UGT2B7: variants seen among roughly 807,000 people sequenced by gnomAD.
UGT2B7 encodes UDP glucuronosyltransferase family 2 member B7.
A neutral mutation model predicts 51.9 loss-of-function variants in UGT2B7; 51 were observed. That is an observed-to-expected ratio of 0.98 (90% CI 0.78 to 1.24). UGT2B7 has a LOEUF of 1.24. Ranked by LOEUF, UGT2B7 falls within the 50% of genes most tolerant of loss-of-function variation. The probability of loss-of-function intolerance (pLI) is 0.00; values close to 1 mark genes in which losing one functional copy is unlikely to be tolerated. For synonymous variants in UGT2B7, 225 were observed against 211.6 expected (o/e 1.06, Z -0.55); for missense variants, 727 against 628.4 (o/e 1.16, Z -1.68).
At chr4:69,105,554 C>G (rs1719568891) in intron 3 of UGT2B7, among the ~76,000 whole-genome samples, 1 of 152,158 alleles carries the variant, frequency 6.6e-6, no homozygotes, top group Non-Finnish European at 1.5e-5. Context: ...AGCACGTTGT[C>G]TCAGTGTTAA....
At position 69,097,082 on chromosome 4, in the gene UGT2B7, A is replaced by T. The variant is rs529993159; in HGVS notation, c.562A>T (p.Ile188Phe). The T allele has an allele frequency of 1.1e-4, 179 of 1,613,518 alleles. No individual in the cohort carries two copies. The highest frequency in any genetic ancestry group is 1.5e-4 in the Non-Finnish European group (175 of 1,179,720). ...TTTTGAAAAGCATAGTGGAGGATTT[A>T]TTTTCCCTCCTTCCTACGTACCTGT... ...YTFEKHSGGFIFPPSYVPVVM... is the reference protein window; with the variant it reads ...YTFEKHSGGFFFPPSYVPVVM... Residue 188 changes from isoleucine to phenylalanine, a missense_variant, in exon 1 of 6, where the codon ATT (isoleucine) becomes TTT (phenylalanine). By Grantham distance (21) the Ile-to-Phe change is conservative (BLOSUM62 0). Coordinates refer to ENST00000305231, the MANE Select transcript of UGT2B7 (RefSeq NM_001074.4).
intron 5 of UGT2B7, among the ~76,000 whole-genome samples, chr4:69,111,532 A>G (rs1407833663): frequency 3.3e-5 from 5 of 152,166 alleles, no homozygotes; most frequent in Non-Finnish European, 7.3e-5. Flanking sequence ...CATGATGTTG[A>G]GCATGTTCTC....
At chr4:69,061,425 A>C (rs577543259) in intron 1 of UGT2B7, among the ~76,000 whole-genome samples, 1 of 152,226 alleles carries the variant, frequency 6.6e-6, no homozygotes, top group African/African-American at 2.4e-5. Context: ...AGGCAAAGCA[A>C]GCTGCAATGG....
intron 1 of UGT2B7, among the ~76,000 whole-genome samples, chr4:69,073,924 T>C (rs1412397278): frequency 1.3e-5 from 2 of 152,168 alleles, no homozygotes; most frequent in South Asian, 2.1e-4. Flanking sequence ...TCATATATAA[T>C]TAGGGAGCCC....
intron 1 of UGT2B7, among the ~76,000 whole-genome samples, chr4:69,066,749 A>G (rs1718491001): frequency 6.6e-6 from 1 of 152,088 alleles, no homozygotes; most frequent in Non-Finnish European, 1.5e-5. Flanking sequence ...ACCTTTCACA[A>G]AATTTTTTTT....
intron 3 of UGT2B7, among the ~76,000 whole-genome samples, chr4:69,105,548 C>T (rs888925427): frequency 1.3e-5 from 2 of 152,118 alleles, no homozygotes; most frequent in South Asian, 2.1e-4. Flanking sequence ...CTTTGTAGCA[C>T]GTTGTCTCAG....
chr4:69,102,046 C>T (rs919993849), intron 2 of UGT2B7, among the ~76,000 whole-genome samples: 1 of 152,138 alleles, frequency 6.6e-6, no homozygotes, highest in Admixed American at 6.6e-5. Context: ...CCTAAAGAAT[C>T]ACCTGAAAAA....
At position 69,078,641 on chromosome 4, in the gene UGT2B7, G is replaced by T. The variant is rs149278103; in HGVS notation, c.-158-10831G>T. On this transcript the variant is annotated intron_variant, in intron 1 of 5. Transcript: ENST00000502942. ...ATTTTGTTAAATGTTCTGGCCATGGGTCTTCCTCAGGTAGGAGCCATAGTT... is the reference window on the plus strand; with the variant it reads ...ATTTTGTTAAATGTTCTGGCCATGGTTCTTCCTCAGGTAGGAGCCATAGTT... Among the ~76,000 whole-genome samples, 279 of 152,192 alleles carry T rather than the reference G, an allele frequency of 1.8e-3. 2 individuals carry two copies. The highest frequency in any genetic ancestry group is 0.015 in the East Asian group (75 of 5,162).
intron 5 of UGT2B7, among the ~76,000 whole-genome samples, 174 bp downstream of exon 5, chr4:69,108,496 C>G (rs1719679753): frequency 6.6e-6 from 1 of 151,596 alleles, no homozygotes; most frequent in Admixed American, 6.6e-5. Flanking sequence ...GAATTTGAAA[C>G]ACATACATCT....
At chr4:69,061,026 T>A (rs1239220647) in intron 1 of UGT2B7, among the ~76,000 whole-genome samples, 1 of 152,108 alleles carries the variant, frequency 6.6e-6, no homozygotes, top group Non-Finnish European at 1.5e-5. Flanking sequence ...AATATTTTAC[T>A]GATGGGAGCA....
chr4:69,112,118 C>T (rs1719789920), intron 5 of UGT2B7, among the ~76,000 whole-genome samples: 1 of 152,198 alleles, frequency 6.6e-6, no homozygotes, highest in South Asian at 2.1e-4. Context: ...CGACCCCTGA[C>T]CTAACCAGTT....
At chr4:69,064,293 A>G (rs1048303729) in intron 1 of UGT2B7, among the ~76,000 whole-genome samples, 1 of 152,194 alleles carries the variant, frequency 6.6e-6, no homozygotes, top group Non-Finnish European at 1.5e-5. Flanking sequence ...GACCCTCCCA[A>G]AACTCCTTCA....
At chr4:69,099,276 A>G (rs963517890) in intron 2 of UGT2B7, among the ~76,000 whole-genome samples, 4 of 149,032 alleles carry the variant, frequency 2.7e-5, no homozygotes, top group East Asian at 1.9e-4. Flanking sequence ...AAAAAAAAAA[A>G]AAGAAGCAGG....
intron 1 of UGT2B7, among the ~76,000 whole-genome samples, chr4:69,063,085 C>A (rs1199194679): frequency 6.9e-6 from 1 of 145,930 alleles, no homozygotes; most frequent in East Asian, 2.0e-4. Flanking sequence ...TTTGGGAGGC[C>A]GAGGCGGGCG....
intron 1 of UGT2B7, among the ~76,000 whole-genome samples, chr4:69,072,189 C>A (rs1220402615): frequency 6.6e-6 from 1 of 152,016 alleles, no homozygotes; most frequent in East Asian, 1.9e-4. Flanking sequence ...CCAAAAATTT[C>A]AATATTGTGC....
intron 5 of UGT2B7, among the ~76,000 whole-genome samples, chr4:69,110,762 C>A (rs994134060): frequency 5.3e-5 from 8 of 152,112 alleles, no homozygotes; most frequent in Non-Finnish European, 5.9e-5. Context: ...TTATTCTAGG[C>A]AGGTTGTGAT....
chr4:69,081,019 C>A (rs940546502), intron 1 of UGT2B7, among the ~76,000 whole-genome samples: 2 of 152,076 alleles, frequency 1.3e-5, no homozygotes, highest in African/African-American at 2.4e-5. Context: ...TATCTTGAAA[C>A]TCTATCACTT....
chr4:69,060,513 C>T (rs75542137), intron 1 of UGT2B7, among the ~76,000 whole-genome samples: 3,913 of 152,232 alleles, frequency 0.026, 84 homozygotes, highest in Middle Eastern at 0.095. Context: ...TGACTCAGGC[C>T]CCAACTTTAG....
chr4:69,089,571 A>G (rs1719039897), exon 2 of UGT2B7: 1 of 152,654 alleles, frequency 6.6e-6, no homozygotes, highest in Admixed American at 6.5e-5. Context: ...GGCTGATCTC[A>G]TTGCTTCAGA....
Sources: gnomAD v4.1 joint callset for allele counts (sites outside exome capture counted in the v4.1 genomes callset) on GRCh38, gnomAD v4.1.1 for gene constraint, MANE v1.5 for transcripts, NCBI Gene and HGNC (gene_info 2026-07-23, HGNC 2026-07-21) for gene names.